The following PLIN5 variants were observed in gnomAD, a reference collection of about 807,000 sequenced individuals.
PLIN5 encodes perilipin 5, also known as perilipin-5.
A neutral mutation model predicts 32.8 loss-of-function variants in PLIN5; 34 were observed. That is an observed-to-expected ratio of 1.04 (90% confidence interval 0.79 to 1.38). The LOEUF is 1.38. Among genes scored for constraint, PLIN5 ranks in the 40% most tolerant of loss-of-function variants. PLIN5 has a pLI of 0.00. For missense variants in PLIN5, 712 were observed against 660.5 expected, an observed-to-expected ratio of 1.08 and a Z score of -0.85; for synonymous variants, 309 against 292.9, an observed-to-expected ratio of 1.05 and a Z score of -0.56.
rs1310065055 is a variant in PLIN5, at chr19:4,525,673, G to C, written c.680C>G (p.Ala227Gly). Reference sequence around the variant, plus strand: ...CTGCAGCTGGGCCAGGGTGTCCTGGGCACGGTGTTTGCTCTGCCTCAGTTT... The same window carrying C: ...CTGCAGCTGGGCCAGGGTGTCCTGGCCACGGTGTTTGCTCTGCCTCAGTTT... Reference protein sequence around the residue: ...VGKLRQSKHRAQDTLAQLQET... With the variant: ...VGKLRQSKHRGQDTLAQLQET... Residue 227 changes from alanine to glycine, a missense_variant, in exon 6 of 8, where the codon GCC (alanine) becomes GGC (glycine). Physicochemically the swap from Ala to Gly is moderately conservative, Grantham distance 60 (BLOSUM62 0). Coordinates refer to ENST00000381848, the MANE Select transcript of PLIN5 (RefSeq NM_001013706.3). This position sits in a 1 kb window ranked among gnomAD's most constrained non-coding sequence, Gnocchi z 5.6. 1.2e-6 allele frequency: 2 copies of C among 1,613,650 alleles called. No individual in the cohort carries two copies. The highest frequency in any genetic ancestry group is 4.5e-5 in the East Asian group (2 of 44,872).
chr19:4,531,808 A>T lies in PLIN5; in HGVS notation c.75T>A (p.Arg25=). Residue 25 remains arginine, a synonymous_variant, in exon 3 of 8, where the codon CGT becomes CGA. Coordinates refer to ENST00000381848, the MANE Select transcript of PLIN5 (RefSeq NM_001013706.3). ...CCCTGACCAGGGGCAGAGCCACCAC[A>T]CGCTGCACCACGTTCTGCGGGAAGG... ...WEQDQQNVVQ[R]VVALPLVRAT... is the part of the protein sequence containing the mutation. 1 of 1,559,998 alleles carries T rather than the reference A, an allele frequency of 6.4e-7. No homozygotes were observed. Among genetic ancestry groups the T allele is most frequent in the Non-Finnish European group, 8.7e-7 (1 of 1,152,382 alleles).
intron 5 of PLIN5, among the ~76,000 whole-genome samples, chr19:4,526,099 A>G (rs1976800163): frequency 6.6e-6 from 1 of 152,184 alleles, no homozygotes; most frequent in African/African-American, 2.4e-5. Flanking sequence ...CCTAAGATGT[A>G]GGCACTATGG....
At chr19:4,533,794 A>G in intron 2 of PLIN5, 1 of 595,024 alleles carries the variant, frequency 1.7e-6, no homozygotes, top group East Asian at 2.8e-5. Flanking sequence ...TAGGGGCCAC[A>G]GAAGCCAGCT....
chr19:4,523,481 C>A lies in PLIN5; in HGVS notation c.*47G>T, dbSNP rs199871483. The A allele has an allele frequency of 4.3e-3, 6,432 of 1,508,708 alleles. 23 individuals carry two copies. Among genetic ancestry groups the A allele is most frequent in the Non-Finnish European group, 5.2e-3 (5,829 of 1,126,020 alleles). 93.5% of individuals were successfully genotyped at this position (1,508,708 alleles called of 1,614,324 possible). A position where few individuals can be genotyped will look rare whatever the true frequency, so the allele number is the denominator to read the frequency against. ...GTGGCCACCAGGGGGCAGCAGGGAT[C>A]GGGGTGTGCAGGTGGCCTTTCCTCC... On this transcript the variant is annotated 3_prime_UTR_variant, in exon 8 of 8. Transcript: ENST00000381848. The surrounding 1 kb of genome is among the most constrained non-coding windows in gnomAD (Gnocchi z 5.0).
At chr19:4,534,351 C>T (rs1199662954) in intron 1 of PLIN5, 10 of 475,978 alleles carry the variant, frequency 2.1e-5, no homozygotes, top group Middle Eastern at 5.4e-4. Context: ...GACCTGGGTT[C>T]AAATGCTACC....
chr19:4,533,971 C>T, intron 2 of PLIN5, 44 bp downstream of exon 2: 1 of 1,592,880 alleles, frequency 6.3e-7, no homozygotes, highest in Admixed American at 1.7e-5. Context: ...GACTGTCCCA[C>T]ACAATACCTT....
Position 4,523,447 on chromosome 19 carries a change from A to G in PLIN5, c.*81T>C. The G allele has an allele frequency of 6.9e-7, 1 of 1,448,712 alleles. No individual in the cohort carries two copies. The highest frequency in any genetic ancestry group is 2.4e-5 in the Admixed American group (1 of 41,218). 89.7% of individuals were successfully genotyped at this position (1,448,712 alleles called of 1,614,324 possible). On this transcript the variant is annotated 3_prime_UTR_variant, in exon 8 of 8. Transcript: ENST00000381848. This position sits in a 1 kb window ranked among gnomAD's most constrained non-coding sequence, Gnocchi z 5.0. Reference sequence around the variant, plus strand: ...AAGAAGGGTCAAGGCCAAGGCCTCGAGCTTACGTGTGGCCACCAGGGGGCA... The same window carrying G: ...AAGAAGGGTCAAGGCCAAGGCCTCGGGCTTACGTGTGGCCACCAGGGGGCA...
At position 4,529,099 on chromosome 19, in the gene PLIN5, A is replaced by G; in HGVS notation, c.494T>C (p.Phe165Ser). 1 of 1,613,316 alleles carries G rather than the reference A, an allele frequency of 6.2e-7. No homozygotes were observed. ...LEKSEELVDH[F>S]LPMTEEELAA... ...GAGCTCTTCCTCCGTCATGGGCAGG[A>G]AGTGATCCACCAGCTCCTCTGATTT... The change falls in exon 5 of 8, where the codon TTC becomes TCC. Residue 165 changes from phenylalanine (F) to serine (S), a missense_variant. Transcript: ENST00000381848.
chr19:4,529,681 C>T (rs538108139), intron 4 of PLIN5, 103 bp downstream of exon 4: 1 of 890,948 alleles, frequency 1.1e-6, no homozygotes, highest in Non-Finnish European at 1.8e-6. Context: ...GCTGTTTTTT[C>T]TTGAGTTAAC....
At chr19:4,527,122 C>T (rs1286653699) in intron 5 of PLIN5, among the ~76,000 whole-genome samples, 1 of 151,596 alleles carries the variant, frequency 6.6e-6, no homozygotes, top group African/African-American at 2.4e-5. Context: ...GTTGCCCAGG[C>T]TGGAGTGCAG....
In PLIN5 at chr19:4,523,394, C is replaced by G. The variant is rs763406338; in HGVS notation, c.*134G>C. On this transcript the variant is annotated 3_prime_UTR_variant, in exon 8 of 8. Coordinates refer to ENST00000381848, the MANE Select transcript of PLIN5 (RefSeq NM_001013706.3). The surrounding 1 kb of genome is among the most constrained non-coding windows in gnomAD (Gnocchi z 5.0). ...GAGAGTCCAATACCAAAAAGGTGGT[C>G]AGAGATCCGGAGTTGGGCCTGATTC... is the stretch of plus-strand genomic sequence containing the variant. The G allele has an allele frequency of 9.5e-7, 1 of 1,055,506 alleles. No individual in the cohort carries two copies. Among genetic ancestry groups the G allele is most frequent in the Non-Finnish European group, 1.3e-6 (1 of 760,580 alleles). 65.4% of individuals were successfully genotyped at this position (1,055,506 alleles called of 1,614,324 possible). A position where few individuals can be genotyped will look rare whatever the true frequency, so the allele number is the denominator to read the frequency against.
Position 4,531,574 on chromosome 19 carries a change from CGGTGGGGG to C in PLIN5, c.256+45_256+52del, listed in dbSNP as rs1279642696. ...AGACCAAGGAGGATGGGACAGGGGG[CGGTGGGGG>C]GGTGGCAAGCCACAGCTCCCAGGGA... is the stretch of plus-strand genomic sequence containing the variant. On this transcript the variant is annotated intron_variant, in intron 3 of 7. Transcript: ENST00000381848. The C allele has an allele frequency of 6.8e-6, 9 of 1,332,286 alleles. No homozygotes were observed. In the African/African-American group the frequency reaches 6.9e-5, roughly 10 times the overall value. The allele number at this position is 1,332,286 out of a possible 1,614,324, so 82.5% of individuals were successfully genotyped here.
At chr19:4,531,148 G>A (rs1976879040) in intron 3 of PLIN5, among the ~76,000 whole-genome samples, 1 of 151,648 alleles carries the variant, frequency 6.6e-6, no homozygotes, top group African/African-American at 2.4e-5. Flanking sequence ...TTACAGTTAT[G>A]TGCCACCACA....
At chr19:4,531,483 G>A (rs1481732165) in intron 3 of PLIN5, 144 bp downstream of exon 3, 9 of 764,628 alleles carry the variant, frequency 1.2e-5, no homozygotes, top group Non-Finnish European at 1.8e-5. Flanking sequence ...AGAGATTGAG[G>A]ACAGGTGGCA....
chr19:4,524,950 C>T lies in PLIN5; in HGVS notation c.834+13G>A. 1 of 1,529,580 alleles carries T rather than the reference C, an allele frequency of 6.5e-7. No individual in the cohort carries two copies. The allele number at this position is 1,529,580 out of a possible 1,614,324, so 94.8% of individuals were successfully genotyped here. A position where few individuals can be genotyped will look rare whatever the true frequency, so the allele number is the denominator to read the frequency against. ...GGCAGACACCACCTCACCTGGCACT[C>T]CTGCGGTCTCACCTGGCTCCGGCGG... On this transcript the variant is annotated intron_variant, in intron 7 of 7. Coordinates refer to ENST00000381848, the MANE Select transcript of PLIN5 (RefSeq NM_001013706.3).
intron 5 of PLIN5, among the ~76,000 whole-genome samples, chr19:4,527,974 A>G (rs929319128): frequency 2.7e-5 from 4 of 149,060 alleles, no homozygotes; most frequent in African/African-American, 1.0e-4. Context: ...CAGTGGTGCG[A>G]TCTCTGCTCA....
In PLIN5 at chr19:4,525,646, T is replaced by G; in HGVS notation, c.707A>C (p.Glu236Ala). The G allele has an allele frequency of 6.2e-7, 1 of 1,613,372 alleles. No individual in the cohort carries two copies. Among genetic ancestry groups the G allele is most frequent in the African/African-American group, 1.3e-5 (1 of 75,052 alleles). ...GCGGGCTCTCACCAGCTCCAGCGTC[T>G]CCTGCAGCTGGGCCAGGGTGTCCTG... is the stretch of plus-strand genomic sequence containing the variant. The part of the protein sequence containing the change: ...RAQDTLAQLQ[E>A]TLELIDHMQC... Residue 236 changes from glutamate (E) to alanine (A), a missense_variant, in exon 6 of 8, where the codon GAG (glutamate) becomes GCG (alanine). By Grantham distance (107) the Glu-to-Ala change is moderately radical. Coordinates refer to ENST00000381848, the MANE Select transcript of PLIN5 (RefSeq NM_001013706.3). The surrounding 1 kb of genome is among the most constrained non-coding windows in gnomAD (Gnocchi z 5.6).
Position 4,523,764 on chromosome 19 carries a change from G to A in PLIN5, c.1156C>T (p.Pro386Ser). ...GPFAPILVERPEPLPDLADLV... is the reference protein window; with the variant it reads ...GPFAPILVERSEPLPDLADLV... ...TCCGCCAGGTCGGGCAGGGGCTCGG[G>A]TCGCTCCACAAGGATGGGCGCGAAG... Residue 386 changes from proline (P) to serine (S), a missense_variant, in exon 8 of 8, where the codon CCC becomes TCC. Pro to Ser is a moderately conservative substitution (Grantham distance 74). Transcript: ENST00000381848. The surrounding 1 kb of genome is among the most constrained non-coding windows in gnomAD (Gnocchi z 5.0). The A allele has an allele frequency of 6.3e-7, 1 of 1,599,422 alleles. No individual in the cohort carries two copies. The highest frequency in any genetic ancestry group is 8.5e-7 in the Non-Finnish European group (1 of 1,179,438).
chr19:4,531,809 C>A lies in PLIN5; in HGVS notation c.74G>T (p.Arg25Leu), dbSNP rs375098526. 1.3e-6 allele frequency: 2 copies of A among 1,559,576 alleles called. No individual in the cohort carries two copies. Among genetic ancestry groups the A allele is most frequent in the Non-Finnish European group, 1.7e-6 (2 of 1,152,274 alleles). Reference sequence around the variant, plus strand: ...CCTGACCAGGGGCAGAGCCACCACACGCTGCACCACGTTCTGCGGGAAGGG... The same window carrying A: ...CCTGACCAGGGGCAGAGCCACCACAAGCTGCACCACGTTCTGCGGGAAGGG... ...WEQDQQNVVQRVVALPLVRAT... is the reference protein window; with the variant it reads ...WEQDQQNVVQLVVALPLVRAT... Residue 25 changes from arginine to leucine, a missense_variant, in exon 3 of 8, where the codon CGT (arginine) becomes CTT (leucine). Coordinates refer to ENST00000381848, the MANE Select transcript of PLIN5 (RefSeq NM_001013706.3).
Sources: gnomAD v4.1 joint callset for allele counts (sites outside exome capture counted in the v4.1 genomes callset) on GRCh38, gnomAD v4.1.1 for gene constraint, Gnocchi (gnomAD v3.1) non-coding constraint, MANE v1.5 for transcripts, NCBI Gene and HGNC (gene_info 2026-07-23, HGNC 2026-07-21) for gene names.